The following ANKRD44 variants were observed in gnomAD, a reference collection of about 807,000 sequenced individuals.
ANKRD44 encodes ankyrin repeat domain 44, also known as serine/threonine-protein phosphatase 6 regulatory ankyrin repeat subunit B.
Under a neutral mutation model 116.0 loss-of-function variants are expected in ANKRD44, and 35 were observed. The ratio of observed to expected loss-of-function variants is 0.30; its 90% CI spans 0.23 to 0.40. ANKRD44 has a LOEUF of 0.40. Among genes scored for constraint, ANKRD44 ranks in the 10% least tolerant of loss-of-function variants. The pLI is 1.00. For synonymous variants in ANKRD44, 435 were observed against 461.8 expected, an observed-to-expected ratio of 0.94 and a Z score of 0.74; for missense variants, 1,014 against 1,242.6, an observed-to-expected ratio of 0.82 and a Z score of 2.77.
chr2:197,234,914 C>G (rs966338441), intron 1 of ANKRD44, among the ~76,000 whole-genome samples: 5 of 152,160 alleles, frequency 3.3e-5, no homozygotes, highest in Non-Finnish European at 7.4e-5. Context: ...CTCAATGGAG[C>G]CTTTTAAGAA....
At chr2:197,012,011 C>A (rs2076309951) in intron 18 of ANKRD44, among the ~76,000 whole-genome samples, 1 of 152,214 alleles carries the variant, frequency 6.6e-6, no homozygotes, top group South Asian at 2.1e-4. Flanking sequence ...TGTGCCAAAA[C>A]CTCTCATACT....
intron 1 of ANKRD44, among the ~76,000 whole-genome samples, chr2:197,192,862 A>G (rs918612852): frequency 1.3e-5 from 2 of 152,236 alleles, no homozygotes; most frequent in Non-Finnish European, 2.9e-5. Context: ...AGGACAATAC[A>G]AAAATATACT....
At chr2:197,240,283 G>A (rs1369804916) in intron 1 of ANKRD44, among the ~76,000 whole-genome samples, 8 of 149,612 alleles carry the variant, frequency 5.3e-5, no homozygotes, top group African/African-American at 7.4e-5. Flanking sequence ...GCTGAGGCAC[G>A]AGAATCACTT....
chr2:197,269,022 CA>C (rs147384138), intron 1 of ANKRD44, among the ~76,000 whole-genome samples: 6,108 of 151,598 alleles, frequency 0.04, 206 homozygotes, highest in Admixed American at 0.11. Flanking sequence ...AATGCATACT[CA>C]AAAAAAGTCC....
intron 1 of ANKRD44, among the ~76,000 whole-genome samples, chr2:197,241,425 T>C (rs571827681): frequency 6.6e-6 from 1 of 152,314 alleles, no homozygotes; most frequent in East Asian, 1.9e-4. Flanking sequence ...TGAACTCTTG[T>C]TCACCAGAAC....
Position 197,273,960 on chromosome 2 carries a change from CAA to C in ANKRD44, c.27+36616_27+36617del, listed in dbSNP as rs1158937486. 7.2e-3 allele frequency among the ~76,000 whole-genome samples: 67 copies of C among 9,334 alleles called. 1 individual carries two copies. Among genetic ancestry groups the C allele is most frequent in the South Asian group, 0.012 (2 of 166 alleles). 6.1% of individuals were successfully genotyped at this position (9,334 alleles called of 152,430 possible). ...TACCTGTAAGCTAGTCAACCAACCA[CAA>C]AAAAAAAAAAAAAAAAAAATATATA... On this transcript the variant is annotated intron_variant, in intron 1 of 27. Transcript: ENST00000282272.
intron 16 of ANKRD44, among the ~76,000 whole-genome samples, chr2:197,032,273 A>C (rs992429895): frequency 6.6e-6 from 1 of 152,170 alleles, no homozygotes; most frequent in Non-Finnish European, 1.5e-5. Flanking sequence ...GCTACCCTAG[A>C]AGCAGGAGGC....
chr2:197,240,140 A>G, intron 1 of ANKRD44, among the ~76,000 whole-genome samples: 1 of 152,042 alleles, frequency 6.6e-6, no homozygotes, highest in South Asian at 2.1e-4. Flanking sequence ...TTTGGGAGCC[A>G]GAGGCAGGTG....
chr2:197,071,300 A>C (rs1401103201), intron 16 of ANKRD44, among the ~76,000 whole-genome samples: 1 of 152,110 alleles, frequency 6.6e-6, no homozygotes, highest in African/African-American at 2.4e-5. Flanking sequence ...TACTGACTTG[A>C]GACTTTCCTC....
chr2:197,017,157 C>T (rs1180981388), intron 17 of ANKRD44, among the ~76,000 whole-genome samples: 1 of 152,010 alleles, frequency 6.6e-6, no homozygotes, highest in Non-Finnish European at 1.5e-5. Flanking sequence ...TGACATTTGT[C>T]GAGGGTGGTT....
intron 4 of ANKRD44, among the ~76,000 whole-genome samples, chr2:197,126,677 G>A (rs1339527331): frequency 7.9e-5 from 12 of 151,920 alleles, no homozygotes; most frequent in Admixed American, 7.9e-4. Flanking sequence ...CTATGCAATG[G>A]AGTCATCCAT....
At chr2:197,145,842 C>T (rs1305551898) in intron 3 of ANKRD44, among the ~76,000 whole-genome samples, 1 of 152,146 alleles carries the variant, frequency 6.6e-6, no homozygotes, top group African/African-American at 2.4e-5. Flanking sequence ...TTACTGCAAA[C>T]AAAGGCGAAA....
chr2:197,192,062 C>G (rs10180332), intron 1 of ANKRD44, among the ~76,000 whole-genome samples: 25,261 of 152,138 alleles, frequency 0.17, 5,616 homozygotes, highest in African/African-American at 0.51. Context: ...AGTATCCACT[C>G]CATCCGGCTA....
chr2:197,293,278 A>G (rs539080281), intron 1 of ANKRD44, among the ~76,000 whole-genome samples: 4 of 152,338 alleles, frequency 2.6e-5, no homozygotes, highest in African/African-American at 7.2e-5. Context: ...CTAATCTACT[A>G]CTACTGAGTT....
At chr2:197,038,233 G>A (rs1187430434) in intron 16 of ANKRD44, among the ~76,000 whole-genome samples, 2 of 152,164 alleles carry the variant, frequency 1.3e-5, no homozygotes, top group African/African-American at 4.8e-5. Context: ...GATAATGGAG[G>A]AGGCTGTGCA....
At chr2:197,146,843 A>C (rs781627946) in intron 3 of ANKRD44, among the ~76,000 whole-genome samples, 184 bp downstream of exon 3, 1 of 152,238 alleles carries the variant, frequency 6.6e-6, no homozygotes, top group African/African-American at 2.4e-5. Context: ...TTACTGGAGA[A>C]GTCATTTTTC....
intron 10 of ANKRD44, among the ~76,000 whole-genome samples, chr2:197,092,720 A>T (rs75503860): frequency 0.04 from 6,147 of 152,304 alleles, 162 homozygotes; most frequent in Middle Eastern, 0.082. Flanking sequence ...ACCAAAAAAA[A>T]ATTCTGAAAT....
At chr2:197,120,834 T>C (rs2125320915) in intron 8 of ANKRD44, among the ~76,000 whole-genome samples, 1 of 152,260 alleles carries the variant, frequency 6.6e-6, no homozygotes, top group East Asian at 1.9e-4. Context: ...GATCCAGTAT[T>C]TGTCCTGACA....
At chr2:197,026,611 A>G (rs920950702) in intron 16 of ANKRD44, among the ~76,000 whole-genome samples, 4 of 152,184 alleles carry the variant, frequency 2.6e-5, no homozygotes, top group African/African-American at 9.7e-5. Context: ...GGGGGTGGGC[A>G]TGTCAAAGAA....
Sources: gnomAD v4.1 joint callset for allele counts (sites outside exome capture counted in the v4.1 genomes callset) on GRCh38, gnomAD v4.1.1 for gene constraint, MANE v1.5 for transcripts, NCBI Gene and HGNC (gene_info 2026-07-23, HGNC 2026-07-21) for gene names.